FSBP: variants seen among roughly 807,000 people sequenced by gnomAD.
FSBP encodes the protein fibrinogen silencer binding protein, also known as fibrinogen silencer-binding protein.
In FSBP, 18 loss-of-function variants were observed where a neutral mutation model predicts 24.6. That is an observed-to-expected ratio of 0.73 (90% CI 0.51 to 1.08). The LOEUF (loss-of-function observed/expected upper bound fraction) is 1.08. Among genes scored for constraint, FSBP ranks in the 50% least tolerant of loss-of-function variants. The pLI, the probability that FSBP is intolerant of heterozygous loss-of-function variation, is 0.00. For synonymous variants in FSBP, 110 were observed against 125.8 expected (o/e 0.87, Z 0.84); for missense variants, 305 against 347.6 (o/e 0.88, Z 0.98).
rs1586165473 is a variant in FSBP, at chr8:94,431,798, C to T, written c.*333G>A. 5.0e-6 allele frequency: 5 copies of T among 1,005,746 alleles called. No homozygotes were observed. The highest frequency in any genetic ancestry group is 5.9e-6 in the Non-Finnish European group (5 of 841,610). 62.3% of individuals were successfully genotyped at this position (1,005,746 alleles called of 1,614,324 possible). A position where few individuals can be genotyped will look rare whatever the true frequency, so the allele number is the denominator to read the frequency against. On this transcript the variant is annotated 3_prime_UTR_variant, in exon 2 of 2. Transcript: ENST00000481490. The stretch of plus-strand genomic sequence containing the variant: ...CTAATTATAGCTTTCAAAGTTCTAA[C>T]TAAAAATGTTGAAGACTCAGAACTT...
In FSBP at chr8:94,436,611, T is replaced by C; in HGVS notation, c.258A>G (p.Gln86=). 1 of 1,550,556 alleles carries C rather than the reference T, an allele frequency of 6.4e-7. No homozygotes were observed. The change falls in exon 1 of 2, where the codon CAA becomes CAG. Residue 86 remains glutamine (Q), a synonymous_variant. Transcript: ENST00000481490. ...KEYAKQELLQ[Q]KETQSDFKSN... is the part of the protein sequence containing the mutation. ...TTTTAAAATCTGATTGGGTCTCTTT[T>C]TGCTGCAATAGCTCCTGTTTGGCAT...
At position 94,436,646 on chromosome 8, in the gene FSBP, G is replaced by C; in HGVS notation, c.223C>G (p.Leu75Val). The part of the protein sequence containing the change: ...AQGLRTLYKR[L>V]KEYAKQELLQ... Reference sequence around the variant, plus strand: ...AGCTCCTGTTTGGCATATTCTTTGAGCCTTTTATAAAGGGTGCGTAGGCCC... The same window carrying C: ...AGCTCCTGTTTGGCATATTCTTTGACCCTTTTATAAAGGGTGCGTAGGCCC... The change falls in exon 1 of 2, where the codon CTC (leucine) becomes GTC (valine). Residue 75 changes from leucine to valine, a missense_variant. Physicochemically the swap from Leu to Val is conservative, Grantham distance 32. Coordinates refer to ENST00000481490, the MANE Select transcript of FSBP (RefSeq NM_001256141.2). 6.4e-7 allele frequency: 1 copy of C among 1,550,530 alleles called. No individual in the cohort carries two copies.
chr8:94,429,269 A>ACAATCATATTTTTCTGCAGCAT lies in FSBP; in HGVS notation c.*2861_*2862insATGCTGCAGAAAAATATGATTG. On this transcript the variant is annotated 3_prime_UTR_variant, in exon 2 of 2. Coordinates refer to ENST00000481490, the MANE Select transcript of FSBP (RefSeq NM_001256141.2). ...CAGAAAAATATGATTGTAGCAGACT[A>ACAATCATATTTTTCTGCAGCAT]TGTTTATGCTATTTTATGGGCAGCA... 1 of 474,476 alleles carries ACAATCATATTTTTCTGCAGCAT rather than the reference A, an allele frequency of 2.1e-6. No individual in the cohort carries two copies. The highest frequency in any genetic ancestry group is 2.8e-6 in the Non-Finnish European group (1 of 363,350). The allele number at this position is 474,476 out of a possible 1,614,324, so 29.4% of individuals were successfully genotyped here.
rs1812050121 is a variant in FSBP at position 94,430,084 on chromosome 8, C to T, written c.*2047G>A. 3.3e-6 allele frequency: 3 copies of T among 909,258 alleles called. No individual in the cohort carries two copies. The highest frequency in any genetic ancestry group is 5.1e-5 in the South Asian group (1 of 19,736). 56.3% of individuals were successfully genotyped at this position (909,258 alleles called of 1,614,324 possible). A position where few individuals can be genotyped will look rare whatever the true frequency, so the allele number is the denominator to read the frequency against. ...ATCCCAGCACTTTGGGAGGCCGAGG[C>T]GGGCAGATCACGAGGTCAGGAGATC... On this transcript the variant is annotated 3_prime_UTR_variant, in exon 2 of 2. Coordinates refer to ENST00000481490, the MANE Select transcript of FSBP (RefSeq NM_001256141.2).
At chr8:94,435,709 T>TA (rs140001107) in intron 1 of FSBP, among the ~76,000 whole-genome samples, 2,372 of 152,172 alleles carry the variant, frequency 0.016, 26 homozygotes, top group Non-Finnish European at 0.025. Context: ...CTTCTAACTC[T>TA]AAAAAAACCC....
In FSBP at chr8:94,436,888, AG is replaced by A; in HGVS notation, c.-21del. On this transcript the variant is annotated 5_prime_UTR_variant, in exon 1 of 2. An upstream open reading frame in the 5' UTR gains an earlier in-frame stop. Transcript: ENST00000481490. Reference sequence around the variant, plus strand: ...TACCATTGTTCTTTTCAAATTAAGTAGGCAGTTTCTGAAACCACCATGCAGC... The same window carrying A: ...TACCATTGTTCTTTTCAAATTAAGTAGCAGTTTCTGAAACCACCATGCAGC... 6.7e-7 allele frequency: 1 copy of A among 1,492,002 alleles called. No individual in the cohort carries two copies. Among genetic ancestry groups the A allele is most frequent in the Non-Finnish European group, 8.9e-7 (1 of 1,123,686 alleles). The allele number at this position is 1,492,002 out of a possible 1,614,324, so 92.4% of individuals were successfully genotyped here. A position where few individuals can be genotyped will look rare whatever the true frequency, so the allele number is the denominator to read the frequency against.
In FSBP at chr8:94,431,606, C is replaced by T. The variant is rs576726015; in HGVS notation, c.*525G>A. The T allele has an allele frequency of 1.2e-5, 11 of 920,044 alleles. No individual in the cohort carries two copies. In the East Asian group the frequency reaches 1.2e-3, roughly 99 times the overall value. The allele number at this position is 920,044 out of a possible 1,614,324, so 57.0% of individuals were successfully genotyped here. On this transcript the variant is annotated 3_prime_UTR_variant, in exon 2 of 2. Transcript: ENST00000481490. Reference sequence around the variant, plus strand: ...AGTTCTCCCTGGACCTGTTTCATTACCCCTAAACTGCAGAGATGGAAAAAA... The same window carrying T: ...AGTTCTCCCTGGACCTGTTTCATTATCCCTAAACTGCAGAGATGGAAAAAA...
Position 94,430,569 on chromosome 8 carries a change from A to G in FSBP, c.*1562T>C. The G allele has an allele frequency of 1.5e-6, 1 of 685,148 alleles. No individual in the cohort carries two copies. Among genetic ancestry groups the G allele is most frequent in the Non-Finnish European group, 1.8e-6 (1 of 556,542 alleles). The allele number at this position is 685,148 out of a possible 1,614,324, so 42.4% of individuals were successfully genotyped here. A position where few individuals can be genotyped will look rare whatever the true frequency, so the allele number is the denominator to read the frequency against. ...CTAATTCACTTGGAAATGGATTTAC[A>G]TTTCTAACAAGTTCTCAAGTGATGC... On this transcript the variant is annotated 3_prime_UTR_variant, in exon 2 of 2. Transcript: ENST00000481490.
At position 94,436,877 on chromosome 8, in the gene FSBP, T is replaced by C; in HGVS notation, c.-9A>G. 5.3e-6 allele frequency: 8 copies of C among 1,500,922 alleles called. No individual in the cohort carries two copies. Among genetic ancestry groups the C allele is most frequent in the Non-Finnish European group, 7.1e-6 (8 of 1,127,372 alleles). The allele number at this position is 1,500,922 out of a possible 1,614,324, so 93.0% of individuals were successfully genotyped here. A position where few individuals can be genotyped will look rare whatever the true frequency, so the allele number is the denominator to read the frequency against. On this transcript the variant is annotated 5_prime_UTR_variant, in exon 1 of 2. It removes the in-frame stop codon of an upstream open reading frame in the 5' UTR. Transcript: ENST00000481490. Reference sequence around the variant, plus strand: ...CTAGCCTTTCCTACCATTGTTCTTTTCAAATTAAGTAGGCAGTTTCTGAAA... The same window carrying C: ...CTAGCCTTTCCTACCATTGTTCTTTCCAAATTAAGTAGGCAGTTTCTGAAA...
chr8:94,432,526 T>G lies in FSBP; in HGVS notation c.505A>C (p.Asn169His). 5 of 1,550,670 alleles carry G rather than the reference T, an allele frequency of 3.2e-6. No individual in the cohort carries two copies. The highest frequency in any genetic ancestry group is 4.4e-6 in the Non-Finnish European group (5 of 1,146,912). Residue 169 changes from asparagine (N) to histidine (H), a missense_variant, in exon 2 of 2, where the codon AAT becomes CAT. Physicochemically the swap from Asn to His is moderately conservative, Grantham distance 68. Transcript: ENST00000481490. ...DIKPPPPLVL[N>H]SQQSDTLEQR... ...TCTAAAGTATCACTCTGTTGAGAAT[T>G]TAAAACCAGTGGAGGAGGTGGTTTA... is the stretch of plus-strand genomic sequence containing the variant.
intron 1 of FSBP, 110 bp downstream of exon 1, chr8:94,436,385 T>C: frequency 7.6e-7 from 1 of 1,313,020 alleles, no homozygotes; most frequent in Non-Finnish European, 1.0e-6. Context: ...ACACTATTCA[T>C]TGCTCCCGTT....
Position 94,431,926 on chromosome 8 carries a change from G to C in FSBP, c.*205C>G. The C allele has an allele frequency of 8.2e-7, 1 of 1,219,134 alleles. No homozygotes were observed. The highest frequency in any genetic ancestry group is 1.0e-6 in the Non-Finnish European group (1 of 968,410). 75.5% of individuals were successfully genotyped at this position (1,219,134 alleles called of 1,614,324 possible). The stretch of plus-strand genomic sequence containing the variant: ...TTAAACTTAGGGAAAAAAAAAAGAA[G>C]ACAATAAAAACTATAACCATGCCAA... On this transcript the variant is annotated 3_prime_UTR_variant, in exon 2 of 2. Transcript: ENST00000481490.
rs919230210 is a variant in FSBP at position 94,427,979 on chromosome 8, A to AAG, written c.*4150_*4151dup. ...CAAGTTAATATCTCATCATACACAA[A>AAG]AGAAAAATACTTGACTATTTTAAGA... is the stretch of plus-strand genomic sequence containing the variant. On this transcript the variant is annotated 3_prime_UTR_variant, in exon 2 of 2. Transcript: ENST00000481490. 1.3e-5 allele frequency: 12 copies of AAG among 923,498 alleles called. No individual in the cohort carries two copies. The African/African-American group carries it at 1.8e-4, about 14-fold the overall frequency. The allele number at this position is 923,498 out of a possible 1,614,324, so 57.2% of individuals were successfully genotyped here. A position where few individuals can be genotyped will look rare whatever the true frequency, so the allele number is the denominator to read the frequency against.
In FSBP at chr8:94,428,643, T is replaced by C; in HGVS notation, c.*3488A>G. 1 of 710,354 alleles carries C rather than the reference T, an allele frequency of 1.4e-6. No homozygotes were observed. Among genetic ancestry groups the C allele is most frequent in the Non-Finnish European group, 1.7e-6 (1 of 579,214 alleles). 44.0% of individuals were successfully genotyped at this position (710,354 alleles called of 1,614,324 possible). A position where few individuals can be genotyped will look rare whatever the true frequency, so the allele number is the denominator to read the frequency against. On this transcript the variant is annotated 3_prime_UTR_variant, in exon 2 of 2. Transcript: ENST00000481490. ...TTAAATTTCGTATTACTTTTTATTG[T>C]TGTACTGTTATTTATTTTTCTGCCT...
chr8:94,432,053 T>C lies in FSBP; in HGVS notation c.*78A>G. ...TAACAACATTTTTCAAGAACGTGTA[T>C]TCTGTTTCAGGATATTCCCAAATTA... On this transcript the variant is annotated 3_prime_UTR_variant, in exon 2 of 2. Coordinates refer to ENST00000481490, the MANE Select transcript of FSBP (RefSeq NM_001256141.2). 1 of 1,450,834 alleles carries C rather than the reference T, an allele frequency of 6.9e-7. No homozygotes were observed. Among genetic ancestry groups the C allele is most frequent in the Non-Finnish European group, 9.0e-7 (1 of 1,105,232 alleles). The allele number at this position is 1,450,834 out of a possible 1,614,324, so 89.9% of individuals were successfully genotyped here. A position where few individuals can be genotyped will look rare whatever the true frequency, so the allele number is the denominator to read the frequency against.
rs908737984 is a variant in FSBP, at chr8:94,431,431, T to C, written c.*700A>G. 6.1e-6 allele frequency: 6 copies of C among 980,406 alleles called. No individual in the cohort carries two copies. In the African/African-American group the frequency reaches 1.1e-4, roughly 17 times the overall value. The allele number at this position is 980,406 out of a possible 1,614,324, so 60.7% of individuals were successfully genotyped here. A position where few individuals can be genotyped will look rare whatever the true frequency, so the allele number is the denominator to read the frequency against. On this transcript the variant is annotated 3_prime_UTR_variant, in exon 2 of 2. Transcript: ENST00000481490. ...TAACAATCTTTAAAGGCAATTTTAA[T>C]GAAAGAAATGCTTCTAATATTTAAA... is the stretch of plus-strand genomic sequence containing the variant.
At position 94,430,917 on chromosome 8, in the gene FSBP, C is replaced by A. The variant is rs1408505491; in HGVS notation, c.*1214G>T. ...CATTCACTTAAAATCAATGGCTTAGCACTGCATTTGTGCTTATATACTCAA... is the reference window on the plus strand; with the variant it reads ...CATTCACTTAAAATCAATGGCTTAGAACTGCATTTGTGCTTATATACTCAA... On this transcript the variant is annotated 3_prime_UTR_variant, in exon 2 of 2. Coordinates refer to ENST00000481490, the MANE Select transcript of FSBP (RefSeq NM_001256141.2). 1 of 985,256 alleles carries A rather than the reference C, an allele frequency of 1.0e-6. No homozygotes were observed. Among genetic ancestry groups the A allele is most frequent in the Non-Finnish European group, 1.2e-6 (1 of 829,926 alleles). 61.0% of individuals were successfully genotyped at this position (985,256 alleles called of 1,614,324 possible). A position where few individuals can be genotyped will look rare whatever the true frequency, so the allele number is the denominator to read the frequency against.
rs1276511452 is a variant in FSBP at position 94,436,856 on chromosome 8, C to A, written c.13G>T (p.Ala5Ser). The A allele has an allele frequency of 5.2e-6, 8 of 1,528,344 alleles. No individual in the cohort carries two copies. Among genetic ancestry groups the A allele is most frequent in the African/African-American group, 1.4e-5 (1 of 72,066 alleles). The allele number at this position is 1,528,344 out of a possible 1,614,324, so 94.7% of individuals were successfully genotyped here. MVGK[A>S]RSSNFTLSEK... ...GATAAGGTAAAATTGGAAGATCTAG[C>A]CTTTCCTACCATTGTTCTTTTCAAA... Residue 5 changes from alanine (A) to serine (S), a missense_variant, in exon 1 of 2, where the codon GCT (alanine) becomes TCT (serine). Ala to Ser is a moderately conservative substitution (Grantham distance 99). Transcript: ENST00000481490.
At position 94,429,705 on chromosome 8, in the gene FSBP, G is replaced by T; in HGVS notation, c.*2426C>A. ...GTCATAGCACAGATTAAAGAGAAAA[G>T]GTAACATTGTCAAAAGGATATATCA... On this transcript the variant is annotated 3_prime_UTR_variant, in exon 2 of 2. Coordinates refer to ENST00000481490, the MANE Select transcript of FSBP (RefSeq NM_001256141.2). The T allele has an allele frequency of 1.3e-5, 13 of 983,430 alleles. No homozygotes were observed. Among genetic ancestry groups the T allele is most frequent in the African/African-American group, 1.7e-5 (1 of 57,266 alleles). The allele number at this position is 983,430 out of a possible 1,614,324, so 60.9% of individuals were successfully genotyped here. A position where few individuals can be genotyped will look rare whatever the true frequency, so the allele number is the denominator to read the frequency against.
Sources: gnomAD v4.1 joint callset for allele counts (sites outside exome capture counted in the v4.1 genomes callset) on GRCh38, gnomAD v4.1.1 for gene constraint, MANE v1.5 for transcripts, NCBI Gene and HGNC (gene_info 2026-07-23, HGNC 2026-07-21) for gene names.